The following G3BP2 variants were observed in gnomAD, a reference collection of about 807,000 sequenced individuals.
G3BP2 encodes G3BP stress granule assembly factor 2.
G3BP2 carries 11 observed loss-of-function variants against 56.7 expected under a neutral mutation model. The observed-to-expected ratio is 0.19, with a 90% confidence interval of 0.12 to 0.32. The LOEUF (loss-of-function observed/expected upper bound fraction) is 0.32, where lower values mean the gene tolerates loss of function less well. Among genes scored for constraint, G3BP2 ranks in the 10% least tolerant of loss-of-function variants. The probability of loss-of-function intolerance (pLI) is 1.00; values close to 1 mark genes in which losing one functional copy is unlikely to be tolerated. For missense variants in G3BP2, 340 were observed against 610.9 expected, an observed-to-expected ratio of 0.56 and a Z score of 4.67; for synonymous variants, 165 against 191.6, an observed-to-expected ratio of 0.86 and a Z score of 1.15.
intron 3 of G3BP2, among the ~76,000 whole-genome samples, chr4:75,718,783 C>T (rs1720027686): frequency 6.6e-6 from 1 of 152,110 alleles, no homozygotes; most frequent in South Asian, 2.1e-4. Flanking sequence ...TTTGCTGGGA[C>T]TCTTAGGAGA....
chr4:75,655,773 A>C lies in G3BP2; in HGVS notation c.540T>G (p.Pro180=). 6.5e-7 allele frequency: 1 copy of C among 1,543,702 alleles called. No homozygotes were observed. The highest frequency in any genetic ancestry group is 9.0e-7 in the Non-Finnish European group (1 of 1,115,914). Residue 180 remains proline, a synonymous_variant, in exon 6 of 12, where the codon CCT becomes CCG. Transcript: ENST00000359707. Reference sequence around the variant, plus strand: ...CTTGCAAATAGTATGCTTACGTCACAGGGTGAGCTTCATAGTAACCACTGT... The same window carrying C: ...CTTGCAAATAGTATGCTTACGTCACCGGGTGAGCTTCATAGTAACCACTGT... ...NANSGYYEAH[P]VTNGIEEPLE...
At chr4:75,658,295 C>A (rs1310303328) in intron 3 of G3BP2, among the ~76,000 whole-genome samples, 1 of 151,992 alleles carries the variant, frequency 6.6e-6, no homozygotes, top group Non-Finnish European at 1.5e-5. Context: ...TAATATAACA[C>A]CATGTTTCAT....
At chr4:75,712,147 T>C (rs563197508) in intron 3 of G3BP2, among the ~76,000 whole-genome samples, 1 of 152,302 alleles carries the variant, frequency 6.6e-6, no homozygotes, top group East Asian at 1.9e-4. Flanking sequence ...AAATGTCATA[T>C]TGTATCCCAT....
At chr4:75,674,749 GTCTC>G (rs1172545416), upstream of G3BP2, among the ~76,000 whole-genome samples, 110 of 92,268 alleles carry the variant, frequency 1.2e-3, no homozygotes, top group Non-Finnish European at 2.0e-3. Context: ...TTAAGATGGA[GTCTC>G]TCTGTGTCGC....
chr4:75,696,761 T>C (rs1468943354), intron 3 of G3BP2, among the ~76,000 whole-genome samples: 1 of 152,166 alleles, frequency 6.6e-6, no homozygotes, highest in Non-Finnish European at 1.5e-5. Context: ...TGGACACCAA[T>C]GGGCAGCCTG....
chr4:75,677,772 C>T (rs1733933211), upstream of G3BP2, among the ~76,000 whole-genome samples: 1 of 152,090 alleles, frequency 6.6e-6, no homozygotes, highest in Non-Finnish European at 1.5e-5. Flanking sequence ...TGTCTTGGCC[C>T]CACTACTAAT....
intron 5 of G3BP2, among the ~76,000 whole-genome samples, chr4:75,656,303 T>C (rs1732111067): frequency 6.6e-6 from 1 of 152,092 alleles, no homozygotes; most frequent in Non-Finnish European, 1.5e-5. Context: ...CAATTTTTTT[T>C]TTTTTAATAA....
chr4:75,721,745 C>T (rs540384641), intron 2 of G3BP2, among the ~76,000 whole-genome samples: 5 of 152,046 alleles, frequency 3.3e-5, no homozygotes, highest in Non-Finnish European at 7.4e-5. Context: ...GTTGTTTTTG[C>T]GAGTTTTCCA....
intron 1 of G3BP2, among the ~76,000 whole-genome samples, chr4:75,672,026 A>T (rs1358803121): frequency 6.6e-6 from 1 of 152,210 alleles, no homozygotes; most frequent in East Asian, 1.9e-4. Flanking sequence ...TACCTGCAAC[A>T]CTAACGTTTG....
intron 3 of G3BP2, among the ~76,000 whole-genome samples, chr4:75,681,268 G>C (rs2149066831): frequency 6.6e-6 from 1 of 152,160 alleles, no homozygotes; most frequent in African/African-American, 2.4e-5. Flanking sequence ...AGGTTGCAGT[G>C]AGCCGAGATC....
At chr4:75,720,517 A>T (rs1300868780) in intron 3 of G3BP2, among the ~76,000 whole-genome samples, 119 of 128,146 alleles carry the variant, frequency 9.3e-4, no homozygotes, top group African/African-American at 3.2e-3. Flanking sequence ...AAAAAAAAAA[A>T]ATATTTTGAG....
intron 3 of G3BP2, among the ~76,000 whole-genome samples, chr4:75,682,329 T>C (rs940930031): frequency 2.2e-4 from 32 of 147,534 alleles, no homozygotes; most frequent in Non-Finnish European, 2.5e-4. Context: ...GGCAGGAAAA[T>C]CCCTTGAACC....
At chr4:75,687,639 C>T (rs769398626) in intron 3 of G3BP2, among the ~76,000 whole-genome samples, 56 of 152,316 alleles carry the variant, frequency 3.7e-4, no homozygotes, top group Non-Finnish European at 7.1e-4. Context: ...TTTTGGAGAA[C>T]TCAAATGTGA....
intron 11 of G3BP2, 81 bp from the exon 12 acceptor site, chr4:75,645,783 TA>T: frequency 2.3e-6 from 3 of 1,280,392 alleles, no homozygotes; most frequent in Non-Finnish European, 3.3e-6. Context: ...GTCAGTCAGA[TA>T]AGCATAAGGA....
At chr4:75,703,993 T>A (rs1216173098) in intron 3 of G3BP2, among the ~76,000 whole-genome samples, 1 of 151,096 alleles carries the variant, frequency 6.6e-6, no homozygotes, top group Non-Finnish European at 1.5e-5. Flanking sequence ...TGCATAGTCC[T>A]CTGTAATGTC....
chr4:75,647,920 G>A (rs528869511), intron 9 of G3BP2, among the ~76,000 whole-genome samples: 4 of 152,254 alleles, frequency 2.6e-5, no homozygotes, highest in South Asian at 4.1e-4. Context: ...TACATGTGTA[G>A]CTAACAAGGT....
At chr4:75,676,705 T>A (rs1188477373), upstream of G3BP2, among the ~76,000 whole-genome samples, 1 of 152,216 alleles carries the variant, frequency 6.6e-6, no homozygotes, top group East Asian at 1.9e-4. Context: ...CATTGCCTAT[T>A]GCAATAGCTT....
chr4:75,662,131 A>C, intron 1 of G3BP2, 82 bp from the exon 2 acceptor site: 1 of 772,930 alleles, frequency 1.3e-6, no homozygotes, highest in Non-Finnish European at 2.2e-6. Context: ...TTTTTAGCCA[A>C]ATTTAGCAGT....
chr4:75,711,553 A>T (rs1719760060), intron 3 of G3BP2, among the ~76,000 whole-genome samples: 1 of 151,810 alleles, frequency 6.6e-6, no homozygotes, highest in African/African-American at 2.4e-5. Context: ...CCTCTACTAA[A>T]AATACAAAAA....
Sources: gnomAD v4.1 joint callset for allele counts (sites outside exome capture counted in the v4.1 genomes callset) on GRCh38, gnomAD v4.1.1 for gene constraint, MANE v1.5 for transcripts, NCBI Gene and HGNC (gene_info 2026-07-23, HGNC 2026-07-21) for gene names.